GLI2: variants seen among roughly 807,000 people sequenced by gnomAD.
The protein encoded by GLI2 is GLI family zinc finger 2.
A neutral mutation model predicts 78.9 loss-of-function variants in GLI2; 22 were observed. That is an observed-to-expected ratio of 0.28 (90% CI 0.20 to 0.40). The LOEUF (loss-of-function observed/expected upper bound fraction) is 0.40. GLI2 is among the 10% of genes least tolerant of loss of function. GLI2 has a pLI of 1.00. For synonymous variants in GLI2, 974 were observed against 963.7 expected (o/e 1.01, Z -0.20); for missense variants, 2,097 against 2,213.2 (o/e 0.95, Z 1.05).
At chr2:120,811,728 A>T (rs1461677149) in intron 2 of GLI2, among the ~76,000 whole-genome samples, 1 of 152,040 alleles carries the variant, frequency 6.6e-6, no homozygotes, top group East Asian at 1.9e-4. Context: ...TGAGCAGGGG[A>T]GGGGCATTTA....
intron 3 of GLI2, among the ~76,000 whole-genome samples, chr2:120,942,090 C>T (rs753151425): frequency 7.2e-5 from 11 of 152,302 alleles, no homozygotes; most frequent in Admixed American, 2.6e-4. Flanking sequence ...CTCAGAAGAA[C>T]GATGGCACTA....
At chr2:120,955,453 T>G in intron 5 of GLI2, 23 bp downstream of exon 5, 1 of 1,476,114 alleles carries the variant, frequency 6.8e-7, no homozygotes, top group Non-Finnish European at 9.3e-7. Context: ...CCCCAGGGGC[T>G]GAGGATGGGG....
At chr2:120,834,328 G>T (rs1686504785) in intron 2 of GLI2, among the ~76,000 whole-genome samples, 1 of 152,328 alleles carries the variant, frequency 6.6e-6, no homozygotes, top group African/African-American at 2.4e-5. Flanking sequence ...GGCTGGCAAG[G>T]CAGGGCCAGA....
chr2:120,779,700 A>G (rs1160456440), intron 1 of GLI2, among the ~76,000 whole-genome samples: 7 of 152,252 alleles, frequency 4.6e-5, no homozygotes, highest in Non-Finnish European at 1.0e-4. Context: ...AAACTGAGGC[A>G]CAGAAAAGTT....
chr2:120,878,247 G>A (rs1688858232), intron 2 of GLI2, among the ~76,000 whole-genome samples: 1 of 152,230 alleles, frequency 6.6e-6, no homozygotes, highest in African/African-American at 2.4e-5. Flanking sequence ...GAGCAAGGAA[G>A]TCAAGACAAT....
At chr2:120,798,174 A>G (rs1451899065) in intron 2 of GLI2, among the ~76,000 whole-genome samples, 2 of 152,158 alleles carry the variant, frequency 1.3e-5, no homozygotes, top group Non-Finnish European at 2.9e-5. Flanking sequence ...GTTCCAGTGC[A>G]TTTAGTCAGG....
At chr2:120,973,987 G>A (rs967705094) in intron 8 of GLI2, among the ~76,000 whole-genome samples, 1 of 152,164 alleles carries the variant, frequency 6.6e-6, no homozygotes, top group African/African-American at 2.4e-5. Context: ...TGGGGGTTAG[G>A]CCTTTTGAGT....
intron 3 of GLI2, among the ~76,000 whole-genome samples, chr2:120,949,895 AT>A (rs957759285): frequency 2.0e-5 from 3 of 152,308 alleles, no homozygotes; most frequent in African/African-American, 7.2e-5. Context: ...ATGATCAGTA[AT>A]TATCTCTGGT....
intron 1 of GLI2, among the ~76,000 whole-genome samples, chr2:120,790,815 C>T (rs1401965940): frequency 6.6e-6 from 1 of 152,160 alleles, no homozygotes; most frequent in African/African-American, 2.4e-5. Context: ...CTGGTGCTGC[C>T]TAGGCCTCAG....
intron 2 of GLI2, among the ~76,000 whole-genome samples, chr2:120,808,193 A>G (rs936673761): frequency 1.3e-5 from 2 of 152,028 alleles, no homozygotes; most frequent in Non-Finnish European, 2.9e-5. Context: ...TGCACCTTCT[A>G]TTATCCCTGC....
intron 8 of GLI2, 99 bp downstream of exon 8, chr2:120,972,162 C>A: frequency 1.5e-6 from 2 of 1,354,472 alleles, no homozygotes; most frequent in Non-Finnish European, 1.0e-6. Flanking sequence ...GGCTGGCTGG[C>A]TGCCTGCATG....
At chr2:120,789,029 CTTTCTT>C (rs1297612051) in intron 1 of GLI2, among the ~76,000 whole-genome samples, 2 of 135,498 alleles carry the variant, frequency 1.5e-5, no homozygotes, top group African/African-American at 6.3e-5. Flanking sequence ...TTATTTCTTT[CTTTCTT>C]TTTTTTTTTT....
intron 1 of GLI2, among the ~76,000 whole-genome samples, chr2:120,781,648 C>T (rs1196867565): frequency 3.3e-5 from 5 of 152,124 alleles, no homozygotes; most frequent in East Asian, 1.9e-4. Flanking sequence ...TTTGGGAGGC[C>T]GAGGCGGGTG....
intron 1 of GLI2, among the ~76,000 whole-genome samples, chr2:120,765,865 G>A (rs911291395): frequency 6.6e-6 from 1 of 152,220 alleles, no homozygotes; most frequent in Non-Finnish European, 1.5e-5. Context: ...GCGCTAAGGC[G>A]GCTGCAGGAG....
chr2:120,812,325 G>T (rs780819077), intron 2 of GLI2, among the ~76,000 whole-genome samples: 4 of 152,298 alleles, frequency 2.6e-5, no homozygotes, highest in African/African-American at 9.6e-5. Flanking sequence ...CCCAGGAGCC[G>T]CTGGATGGGC....
At chr2:120,758,251 A>C (rs1315587217) in intron 1 of GLI2, among the ~76,000 whole-genome samples, 1 of 152,240 alleles carries the variant, frequency 6.6e-6, no homozygotes, top group South Asian at 2.1e-4. Flanking sequence ...CTAGCACCAC[A>C]CACAATCTCA....
At chr2:120,762,414 G>C (rs1011599701) in intron 1 of GLI2, among the ~76,000 whole-genome samples, 2 of 152,176 alleles carry the variant, frequency 1.3e-5, no homozygotes, top group Non-Finnish European at 2.9e-5. Context: ...AAGCCTGCCC[G>C]CTGGAATTTG....
intron 1 of GLI2, among the ~76,000 whole-genome samples, chr2:120,746,501 C>T (rs903568910): frequency 3.3e-5 from 5 of 152,174 alleles, no homozygotes; most frequent in Non-Finnish European, 7.4e-5. Flanking sequence ...CTGGTTTTCC[C>T]AGTGGCCCAG....
intron 2 of GLI2, among the ~76,000 whole-genome samples, chr2:120,801,382 G>A (rs757580926): frequency 2.0e-5 from 3 of 152,028 alleles, no homozygotes; most frequent in Non-Finnish European, 4.4e-5. Context: ...CAAGTGATCC[G>A]CCTGCCCTGG....
Sources: gnomAD v4.1 joint callset for allele counts (sites outside exome capture counted in the v4.1 genomes callset) on GRCh38, gnomAD v4.1.1 for gene constraint, MANE v1.5 for transcripts, NCBI Gene and HGNC (gene_info 2026-07-23, HGNC 2026-07-21) for gene names.